SUGCT: variants seen among roughly 807,000 people sequenced by gnomAD.
SUGCT encodes succinyl-CoA:glutarate-CoA transferase, also known as succinyl-CoA:glutarate CoA-transferase.
SUGCT carries 41 observed loss-of-function variants against 55.0 expected under a neutral mutation model. The ratio of observed to expected loss-of-function variants is 0.74; its 90% CI spans 0.58 to 0.97. SUGCT has a LOEUF of 0.97. SUGCT is among the 50% of genes least tolerant of loss of function. The pLI is 0.00. For synonymous variants in SUGCT, 187 were observed against 200.4 expected (o/e 0.93, Z 0.56); for missense variants, 568 against 547.8 (o/e 1.04, Z -0.37).
chr7:40,420,666 T>C (rs1418171323), intron 9 of SUGCT, among the ~76,000 whole-genome samples: 1 of 152,038 alleles, frequency 6.6e-6, no homozygotes, highest in East Asian at 1.9e-4. Flanking sequence ...TAAGGAAGAC[T>C]AAGTGCTGTG....
chr7:40,551,150 C>T (rs895365752), intron 12 of SUGCT, among the ~76,000 whole-genome samples: 2 of 152,154 alleles, frequency 1.3e-5, no homozygotes, highest in African/African-American at 2.4e-5. Flanking sequence ...AGGACATCCT[C>T]CTCTTGGAAC....
chr7:40,141,871 A>G (rs1788003485), intron 1 of SUGCT: 2 of 425,458 alleles, frequency 4.7e-6, no homozygotes, highest in Non-Finnish European at 9.4e-6. Flanking sequence ...AGATGGAACA[A>G]TGGTGAGCAC....
At chr7:40,543,689 T>A (rs1313429887) in intron 12 of SUGCT, among the ~76,000 whole-genome samples, 1 of 152,234 alleles carries the variant, frequency 6.6e-6, no homozygotes, top group Non-Finnish European at 1.5e-5. Context: ...ACTTTTAGGT[T>A]TATGTCAGAA....
At chr7:40,753,098 G>T (rs1156608721) in intron 13 of SUGCT, among the ~76,000 whole-genome samples, 1 of 152,158 alleles carries the variant, frequency 6.6e-6, no homozygotes, top group African/African-American at 2.4e-5. Context: ...AGAGGCTATT[G>T]TATCTCCTAA....
rs1262549851 is a variant in SUGCT, at chr7:40,828,588, A to AC, written c.1154-31728_1154-31727insC. Among the ~76,000 whole-genome samples, 7 of 152,064 alleles carry AC rather than the reference A, an allele frequency of 4.6e-5. No homozygotes were observed. The East Asian group carries it at 1.2e-3, about 25-fold the overall frequency. ...TGACTTGCTACAGTAAAAAAAAAAA[A>AC]AAAAAACTCAAGAACACAATGTTGA... is the stretch of plus-strand genomic sequence containing the variant. On this transcript the variant is annotated intron_variant, in intron 13 of 13. Transcript: ENST00000335693.
the SUGCT span, among the ~76,000 whole-genome samples, chr7:40,970,538 T>C: frequency 2.0e-5 from 3 of 152,198 alleles, no homozygotes; most frequent in African/African-American, 7.2e-5. Context: ...GTGCCAAGTA[T>C]AGGACTAGAT....
At chr7:40,543,140 C>T (rs980433834) in intron 12 of SUGCT, among the ~76,000 whole-genome samples, 10 of 152,166 alleles carry the variant, frequency 6.6e-5, no homozygotes, top group African/African-American at 2.4e-4. Flanking sequence ...CTTTTTCTGG[C>T]ATCTCTACCC....
intron 12 of SUGCT, among the ~76,000 whole-genome samples, chr7:40,716,468 A>G (rs1195985268): frequency 6.6e-6 from 1 of 152,216 alleles, no homozygotes; most frequent in East Asian, 1.9e-4. Context: ...AACAAATTTA[A>G]TTAATGAATC....
At chr7:40,824,570 C>T (rs1290096253) in intron 13 of SUGCT, among the ~76,000 whole-genome samples, 2 of 152,160 alleles carry the variant, frequency 1.3e-5, no homozygotes, top group African/African-American at 4.8e-5. Context: ...GCTACAACAA[C>T]CGCTAAATCT....
At chr7:40,232,814 C>T (rs1330878892) in intron 6 of SUGCT, among the ~76,000 whole-genome samples, 1 of 152,172 alleles carries the variant, frequency 6.6e-6, no homozygotes, top group African/African-American at 2.4e-5. Flanking sequence ...GGGTATTCCT[C>T]TCTGATTTTC....
In SUGCT at chr7:40,187,817, C is replaced by G. The variant is rs940523512; in HGVS notation, c.227-678C>G. Reference sequence around the variant, plus strand: ...GCATGGTGGTGCACGCCTGTAATCTCAGTTACTATGGAGGCTGATGCAGGA... The same window carrying G: ...GCATGGTGGTGCACGCCTGTAATCTGAGTTACTATGGAGGCTGATGCAGGA... On this transcript the variant is annotated intron_variant, in intron 3 of 13. Coordinates refer to ENST00000335693, the MANE Select transcript of SUGCT (RefSeq NM_001193313.2). Among the ~76,000 whole-genome samples, 26 of 152,182 alleles carry G rather than the reference C, an allele frequency of 1.7e-4. 3 individuals are homozygous for G. Among genetic ancestry groups the G allele is most frequent in the Admixed American group, 1.7e-3 (26 of 15,266 alleles).
At chr7:40,727,196 A>G (rs1338385819) in intron 12 of SUGCT, among the ~76,000 whole-genome samples, 5 of 152,158 alleles carry the variant, frequency 3.3e-5, no homozygotes, top group East Asian at 3.9e-4. Context: ...TTTCAATGCT[A>G]TGTACAAAGG....
the SUGCT span, among the ~76,000 whole-genome samples, chr7:40,995,526 C>T: frequency 6.6e-6 from 1 of 151,966 alleles, no homozygotes; most frequent in South Asian, 2.1e-4. Flanking sequence ...AGAAATATTT[C>T]AGAATGAATA....
At chr7:40,367,323 G>A (rs1234302894) in intron 9 of SUGCT, among the ~76,000 whole-genome samples, 1 of 151,088 alleles carries the variant, frequency 6.6e-6, no homozygotes, top group Non-Finnish European at 1.5e-5. Flanking sequence ...GCTAAATGAC[G>A]AGTTAATGGG....
chr7:40,404,506 C>T lies in SUGCT; in HGVS notation c.817-44781C>T, dbSNP rs370121385. 2.1e-4 allele frequency among the ~76,000 whole-genome samples: 32 copies of T among 151,856 alleles called. No homozygotes were observed. In the East Asian group the frequency reaches 2.5e-3, roughly 12 times the overall value. ...AGGCTGGAGTGCAGTGGCACGATCTCGGCTAACTGCAACCTCTGCCTCCTG... is the reference window on the plus strand; with the variant it reads ...AGGCTGGAGTGCAGTGGCACGATCTTGGCTAACTGCAACCTCTGCCTCCTG... On this transcript the variant is annotated intron_variant, in intron 9 of 13. Coordinates refer to ENST00000335693, the MANE Select transcript of SUGCT (RefSeq NM_001193313.2).
At chr7:40,261,272 G>C (rs942142436) in intron 7 of SUGCT, among the ~76,000 whole-genome samples, 1 of 152,152 alleles carries the variant, frequency 6.6e-6, no homozygotes, top group Non-Finnish European at 1.5e-5. Flanking sequence ...AGAGGTTTTA[G>C]TTACCTAATG....
chr7:41,008,896 C>T, the SUGCT span, among the ~76,000 whole-genome samples: 2 of 151,936 alleles, frequency 1.3e-5, no homozygotes, highest in Non-Finnish European at 2.9e-5. Context: ...TGGTCCCACC[C>T]GAAGGGATGG....
intron 13 of SUGCT, among the ~76,000 whole-genome samples, chr7:40,766,189 A>T (rs137913499): frequency 0.014 from 2,172 of 152,290 alleles, 28 homozygotes; most frequent in Non-Finnish European, 0.023. Flanking sequence ...TCCTGGTATA[A>T]CTAAATTCAA....
intron 9 of SUGCT, among the ~76,000 whole-genome samples, chr7:40,349,364 T>C (rs1486251478): frequency 6.6e-6 from 1 of 152,216 alleles, no homozygotes; most frequent in Admixed American, 6.5e-5. Context: ...TTGTCTTTTT[T>C]TGTAACAGAG....
Sources: allele counts gnomAD v4.1 joint callset (sites outside exome capture counted in the v4.1 genomes callset), GRCh38; gene constraint gnomAD v4.1.1; transcripts MANE v1.5; gene names NCBI Gene and HGNC (gene_info 2026-07-23, HGNC 2026-07-21).